CEP63: variants seen among roughly 807,000 people sequenced by gnomAD.
The protein encoded by CEP63 is centrosomal protein of 63 kDa.
Under a neutral mutation model 89.1 loss-of-function variants are expected in CEP63, and 84 were observed. The ratio of observed to expected loss-of-function variants is 0.94; its 90% CI spans 0.79 to 1.13. The LOEUF is 1.13. Ranked by LOEUF, CEP63 falls within the 50% of genes most tolerant of loss-of-function variation. The pLI is 0.00. For synonymous variants in CEP63, 267 were observed against 272.5 expected (o/e 0.98, Z 0.20); for missense variants, 838 against 813.3 (o/e 1.03, Z -0.37).
intron 12 of CEP63, chr3:134,552,254 A>C (rs1253121446): frequency 6.4e-6 from 2 of 310,240 alleles, no homozygotes; most frequent in Non-Finnish European, 1.2e-5. Flanking sequence ...CCCAGGCTGG[A>C]GTGCAATGGC....
At chr3:134,576,242 T>C (rs1471309751), downstream of CEP63, among the ~76,000 whole-genome samples, 2 of 152,216 alleles carry the variant, frequency 1.3e-5, no homozygotes, top group East Asian at 3.9e-4. Context: ...TTTCTGCAGT[T>C]AAAATTTATT....
the CEP63 span, among the ~76,000 whole-genome samples, chr3:134,741,828 C>T: frequency 1.3e-5 from 2 of 152,146 alleles, no homozygotes; most frequent in African/African-American, 4.8e-5. Context: ...GCAGTGTACT[C>T]CTTAGACTCT....
intron 10 of CEP63, among the ~76,000 whole-genome samples, chr3:134,582,257 GC>G (rs1218594738): frequency 1.3e-5 from 2 of 152,060 alleles, no homozygotes; most frequent in Non-Finnish European, 2.9e-5. Context: ...GTATACATGT[GC>G]CATGTTGGTT....
At chr3:134,569,268 T>C (rs907681387), downstream of CEP63, among the ~76,000 whole-genome samples, 2 of 152,250 alleles carry the variant, frequency 1.3e-5, no homozygotes, top group South Asian at 2.1e-4. Context: ...TCTTAACTTA[T>C]TTCAGCATTA....
At chr3:134,743,622 C>G in the CEP63 span, among the ~76,000 whole-genome samples, 3 of 152,094 alleles carry the variant, frequency 2.0e-5, no homozygotes, top group Non-Finnish European at 4.4e-5. Flanking sequence ...GGTTCACATC[C>G]CATCTGGGTA....
At position 134,534,682 on chromosome 3, in the gene CEP63, G is replaced by A. The variant is rs189487062; in HGVS notation, c.441+1782G>A. Among the ~76,000 whole-genome samples the A allele has an allele frequency of 1.2e-4, 19 of 152,116 alleles. No homozygotes were observed. The East Asian group carries it at 3.3e-3, about 26-fold the overall frequency. Reference sequence around the variant, plus strand: ...GCCCACTCTCTACCTGTCATGTATCGCTGAACGTGGCTAGAGAAAAACCTA... The same window carrying A: ...GCCCACTCTCTACCTGTCATGTATCACTGAACGTGGCTAGAGAAAAACCTA... On this transcript the variant is annotated intron_variant, in intron 5 of 14. Transcript: ENST00000675561.
the CEP63 span, among the ~76,000 whole-genome samples, chr3:134,646,703 G>A: frequency 3.9e-5 from 6 of 152,224 alleles, no homozygotes; most frequent in East Asian, 1.2e-3. Context: ...ACTGGCATTT[G>A]ATAAGCCAGT....
chr3:134,553,440 T>A (rs913132561), intron 12 of CEP63: 1 of 152,072 alleles, frequency 6.6e-6, no homozygotes, highest in African/African-American at 2.4e-5. Flanking sequence ...TAATGTAAAT[T>A]ATTAATATAT....
At chr3:134,539,929 G>A (rs928345375) in intron 6 of CEP63, among the ~76,000 whole-genome samples, 4 of 152,026 alleles carry the variant, frequency 2.6e-5, no homozygotes, top group African/African-American at 9.7e-5. Context: ...TAAAATTTTG[G>A]TGTAAATTTC....
At position 134,507,186 on chromosome 3, in the gene CEP63, C is replaced by CA. The variant is rs778851332; in HGVS notation, c.122_123insA (p.Glu42Ter). ...GACATAATGGTGGCTCATAAAAAAT[C>CA]TGAATGGGAAGGACGTACACATGCT... On this transcript the variant is annotated frameshift_variant, in exon 3 of 15. Coordinates refer to ENST00000675561, the MANE Select transcript of CEP63 (RefSeq NM_001353108.3). LOFTEE classifies it high-confidence loss of function. 1 of 1,613,618 alleles carries CA rather than the reference C, an allele frequency of 6.2e-7. No homozygotes were observed. Among genetic ancestry groups the CA allele is most frequent in the African/African-American group, 1.3e-5 (1 of 74,934 alleles).
At chr3:134,767,947 C>A in the CEP63 span, among the ~76,000 whole-genome samples, 3 of 152,144 alleles carry the variant, frequency 2.0e-5, no homozygotes, top group Admixed American at 2.0e-4. Flanking sequence ...GATTATTGAT[C>A]AGTCAAATAA....
the CEP63 span, among the ~76,000 whole-genome samples, chr3:134,686,933 A>T: frequency 6.6e-6 from 1 of 152,182 alleles, no homozygotes; most frequent in South Asian, 2.1e-4. Flanking sequence ...CTGCACCATG[A>T]TGCAGAAAAC....
At chr3:134,655,538 G>T in the CEP63 span, among the ~76,000 whole-genome samples, 1 of 152,246 alleles carries the variant, frequency 6.6e-6, no homozygotes, top group African/African-American at 2.4e-5. Flanking sequence ...AACCTAATGT[G>T]ACCTACCCAA....
At chr3:134,516,418 C>G (rs926347535) in intron 3 of CEP63, among the ~76,000 whole-genome samples, 1 of 152,176 alleles carries the variant, frequency 6.6e-6, no homozygotes, top group African/African-American at 2.4e-5. Context: ...ATGCCTTCCT[C>G]TTGTCTCAAC....
chr3:134,760,217 C>T, the CEP63 span, among the ~76,000 whole-genome samples: 5 of 152,108 alleles, frequency 3.3e-5, no homozygotes, highest in East Asian at 9.7e-4. Flanking sequence ...CGCCACCACG[C>T]CCGGCTAATT....
the CEP63 span, among the ~76,000 whole-genome samples, chr3:134,639,380 A>G: frequency 6.6e-6 from 1 of 152,142 alleles, no homozygotes; most frequent in South Asian, 2.1e-4. Context: ...AGTGTTCCAG[A>G]GCTCAGGGCT....
chr3:134,506,996 C>A, intron 2 of CEP63, 113 bp from the exon 3 acceptor site: 9 of 581,222 alleles, frequency 1.5e-5, no homozygotes, highest in East Asian at 3.7e-5. Context: ...ACATTAATGT[C>A]ATTTAATTAT....
At chr3:134,522,724 G>A (rs1039143581) in intron 3 of CEP63, among the ~76,000 whole-genome samples, 32 of 152,048 alleles carry the variant, frequency 2.1e-4, no homozygotes, top group Admixed American at 3.3e-4. Context: ...TTGGTTTTCT[G>A]TTCCTGCAAA....
chr3:134,528,795 C>T (rs185696776), intron 3 of CEP63, among the ~76,000 whole-genome samples: 1 of 152,158 alleles, frequency 6.6e-6, no homozygotes, highest in African/African-American at 2.4e-5. Context: ...GCAGTTACCC[C>T]TTCTACCTAC....
Sources: allele counts gnomAD v4.1 joint callset (sites outside exome capture counted in the v4.1 genomes callset), GRCh38; gene constraint gnomAD v4.1.1; transcripts MANE v1.5; gene names NCBI Gene and HGNC (gene_info 2026-07-23, HGNC 2026-07-21).